Variants in NOL7 observed in about 807,000 individuals in gnomAD.
NOL7 encodes the protein nucleolar protein 7, also known as U3 small nucleolar RNA-associated protein NOL7.
A neutral mutation model predicts 38.4 loss-of-function variants in NOL7; 36 were observed. The observed-to-expected ratio is 0.94, with a 90% CI of 0.72 to 1.24. The LOEUF is 1.24. Ranked by LOEUF, NOL7 falls within the 50% of genes most tolerant of loss-of-function variation. The pLI is 0.00. For synonymous variants in NOL7, 142 were observed against 126.5 expected (o/e 1.12, Z -0.82); for missense variants, 350 against 315.1 (o/e 1.11, Z -0.84).
intron 8 of NOL7, among the ~76,000 whole-genome samples, chr6:13,627,630 C>CAAAAAAAAAAAAAAAAAAAAAA (rs35401168): frequency 4.5e-5 from 3 of 66,402 alleles, no homozygotes; most frequent in East Asian, 4.5e-4. Context: ...ACTCCATCTC[C>CAAAAAAAAAAAAAAAAAAAAAA]AAAAAAAAAA....
intron 8 of NOL7, among the ~76,000 whole-genome samples, chr6:13,630,763 G>C (rs903170891): frequency 1.3e-5 from 2 of 151,884 alleles, no homozygotes; most frequent in Non-Finnish European, 2.9e-5. Flanking sequence ...GTCTGTATGC[G>C]AATACAGCTC....
downstream of NOL7, chr6:13,625,647 A>C: frequency 6.3e-7 from 1 of 1,582,208 alleles, no homozygotes. Flanking sequence ...ATTTGGCTTT[A>C]CTTACCTAAT....
rs1463079470 is a variant in NOL7, at chr6:13,615,427, G to C, written c.69G>C (p.Gln23His). ...CGGAGGCGATGGTGGACGAGGGCCA[G>C]CTGGCCTCGGAGGAGGAGGAGGCGG... ...ASAEAMVDEG[Q>H]LASEEEEAEH... Residue 23 changes from glutamine (Q) to histidine (H), a missense_variant, in exon 1 of 8, where the codon CAG (glutamine) becomes CAC (histidine). Transcript: ENST00000451315. The C allele has an allele frequency of 1.3e-6, 2 of 1,547,598 alleles. No individual in the cohort carries two copies. The highest frequency in any genetic ancestry group is 1.9e-4 in the Middle Eastern group (1 of 5,238).
At position 13,619,553 on chromosome 6, in the gene NOL7, T is replaced by TA. The variant is rs556327204; in HGVS notation, c.501-654dup. ...GTTGGACTTTTCATTTGGAAAAACT[T>TA]ATTTGGCACAATCGATTTGGAAATC... On this transcript the variant is annotated intron_variant, in intron 5 of 7. Transcript: ENST00000451315. Among the ~76,000 whole-genome samples the TA allele has an allele frequency of 1.9e-3, 288 of 152,370 alleles. 2 individuals are homozygous for TA. Among genetic ancestry groups the TA allele is most frequent in the African/African-American group, 6.7e-3 (279 of 41,578 alleles).
chr6:13,627,630 C>CAAAAA lies in NOL7; in HGVS notation n.574-4743_574-4739dup, dbSNP rs35401168. ...GGACGACAGAGAGAGACTCCATCTC[C>CAAAAA]AAAAAAAAAAAAAAAAAAAAAAAAT... On this transcript the variant is annotated intron_variant and non_coding_transcript_variant, in intron 8 of 8. Coordinates refer to the NOL7 transcript ENST00000474485. Among the ~76,000 whole-genome samples, 80 of 66,396 alleles carry CAAAAA rather than the reference C, an allele frequency of 1.2e-3. 1 individual carries two copies. Among genetic ancestry groups the CAAAAA allele is most frequent in the African/African-American group, 1.4e-3 (24 of 17,014 alleles). The allele number at this position is 66,396 out of a possible 152,430, so 43.6% of individuals were successfully genotyped here. A position where few individuals can be genotyped will look rare whatever the true frequency, so the allele number is the denominator to read the frequency against.
intron 5 of NOL7, among the ~76,000 whole-genome samples, chr6:13,619,747 T>C (rs1328639189): frequency 1.3e-5 from 2 of 152,226 alleles, no homozygotes; most frequent in African/African-American, 2.4e-5. Flanking sequence ...CCATGTGCTC[T>C]ACTAAAATAT....
chr6:13,622,395 G>A (rs375504162), downstream of NOL7: 100 of 1,598,630 alleles, frequency 6.3e-5, 1 homozygote, highest in Non-Finnish European at 7.2e-5. Context: ...TGGCAAATGC[G>A]CAGGATCCAA....
At chr6:13,628,268 C>T (rs560441786) in intron 8 of NOL7, among the ~76,000 whole-genome samples, 23 of 152,262 alleles carry the variant, frequency 1.5e-4, no homozygotes, top group Non-Finnish European at 2.5e-4. Context: ...TACAGTTCAA[C>T]ATACAGCTGT....
At position 13,621,014 on chromosome 6, in the gene NOL7, A is replaced by ATTGT; in HGVS notation, c.*190_*193dup. The ATTGT allele has an allele frequency of 2.4e-6, 1 of 418,068 alleles. No homozygotes were observed. Among genetic ancestry groups the ATTGT allele is most frequent in the Non-Finnish European group, 4.4e-6 (1 of 228,970 alleles). The allele number at this position is 418,068 out of a possible 1,614,324, so 25.9% of individuals were successfully genotyped here. A position where few individuals can be genotyped will look rare whatever the true frequency, so the allele number is the denominator to read the frequency against. On this transcript the variant is annotated 3_prime_UTR_variant, in exon 8 of 8. Coordinates refer to ENST00000451315, the MANE Select transcript of NOL7 (RefSeq NM_016167.5). ...AGAGGAAAAAGTGGTTTAAGAAGGA[A>ATTGT]TTGTTTTCTTTTTAATATATTTAAC...
rs748367533 is a variant in NOL7 at position 13,620,229 on chromosome 6, C to T, written c.522C>T (p.Ala174=). Residue 174 remains alanine (A), a synonymous_variant, in exon 6 of 8, where the codon GCC becomes GCT. Coordinates refer to ENST00000451315, the MANE Select transcript of NOL7 (RefSeq NM_016167.5). ...ACAGCCAGAATAAAAGCTACTTGGC[C>T]GTAAGGCTAAAAGACCAAGATCTGA... ...QSVSQNKSYL[A]VRLKDQDLRD... is the part of the protein sequence containing the mutation. 8.6e-5 allele frequency: 138 copies of T among 1,613,206 alleles called. No homozygotes were observed. The highest frequency in any genetic ancestry group is 1.8e-4 in the South Asian group (16 of 91,016).
intron 8 of NOL7, among the ~76,000 whole-genome samples, chr6:13,629,190 A>G (rs778865421): frequency 9.2e-4 from 140 of 152,320 alleles, no homozygotes; most frequent in Non-Finnish European, 1.7e-3. Flanking sequence ...AGCTCACTGC[A>G]GCCTCGAGCT....
chr6:13,630,551 T>C (rs1163120517), intron 8 of NOL7, among the ~76,000 whole-genome samples: 1 of 152,044 alleles, frequency 6.6e-6, no homozygotes, highest in Non-Finnish European at 1.5e-5. Flanking sequence ...TTTCCAAATA[T>C]GCCCTAAAAC....
At chr6:13,618,730 A>T (rs955229022) in intron 5 of NOL7, among the ~76,000 whole-genome samples, 1 of 152,106 alleles carries the variant, frequency 6.6e-6, no homozygotes, top group Non-Finnish European at 1.5e-5. Context: ...TCTCTACACA[A>T]AATAAAAAAA....
chr6:13,615,791 G>C lies in NOL7; in HGVS notation c.327+19G>C, dbSNP rs370054990. On this transcript the variant is annotated intron_variant, in intron 2 of 7. Coordinates refer to ENST00000451315, the MANE Select transcript of NOL7 (RefSeq NM_016167.5). Reference sequence around the variant, plus strand: ...ACAGAAGGTTAGAGGCTAGGGAGGAGGTGTCTTATTAAAACAACTCGGCTC... The same window carrying C: ...ACAGAAGGTTAGAGGCTAGGGAGGACGTGTCTTATTAAAACAACTCGGCTC... The C allele has an allele frequency of 3.7e-6, 6 of 1,601,214 alleles. No homozygotes were observed. Among genetic ancestry groups the C allele is most frequent in the Non-Finnish European group, 5.1e-6 (6 of 1,175,400 alleles).
At position 13,618,143 on chromosome 6, in the gene NOL7, A is replaced by C. The variant is rs751859334; in HGVS notation, c.500+4A>C. 2.6e-6 allele frequency: 4 copies of C among 1,535,312 alleles called. No individual in the cohort carries two copies. The African/African-American group carries it at 4.1e-5, about 16-fold the overall frequency. On this transcript the variant is annotated splice_donor_region_variant and intron_variant, in intron 5 of 7. Transcript: ENST00000451315. ...TACAAAAAGTACAGTCTGTCAGGTA[A>C]TGAGTCTTTTGTTTCATTTGGGATG...
At chr6:13,625,684 A>C (rs3734673), downstream of NOL7, 7 of 1,612,418 alleles carry the variant, frequency 4.3e-6, no homozygotes, top group Admixed American at 1.7e-5. Flanking sequence ...CTGAGCACAC[A>C]GGTTCTCTCT....
At chr6:13,622,356 G>A (rs1247628499), downstream of NOL7, 1 of 1,557,452 alleles carries the variant, frequency 6.4e-7, no homozygotes, top group South Asian at 1.2e-5. Flanking sequence ...CTCTTGAAAT[G>A]CATAGCTAAT....
At chr6:13,627,103 ATTATTTAC>A (rs1281992623) in intron 8 of NOL7, among the ~76,000 whole-genome samples, 1 of 152,196 alleles carries the variant, frequency 6.6e-6, no homozygotes, top group Admixed American at 6.5e-5. Context: ...GAAGATAAAA[ATTATTTAC>A]TATACTATTT....
chr6:13,619,080 C>G (rs977846911), intron 5 of NOL7, among the ~76,000 whole-genome samples: 2 of 152,202 alleles, frequency 1.3e-5, no homozygotes, highest in Non-Finnish European at 2.9e-5. Flanking sequence ...TTCAAACTTG[C>G]CAGCCTACTC....
Sources: allele counts gnomAD v4.1 joint callset (sites outside exome capture counted in the v4.1 genomes callset), GRCh38; gene constraint gnomAD v4.1.1; transcripts MANE v1.5; gene names NCBI Gene and HGNC (gene_info 2026-07-23, HGNC 2026-07-21).